ALK: variants seen among roughly 807,000 people sequenced by gnomAD.
ALK encodes ALK tyrosine kinase receptor.
ALK carries 74 observed loss-of-function variants against 163.1 expected under a neutral mutation model. That is an observed-to-expected ratio of 0.45 (90% CI 0.38 to 0.55). The LOEUF is 0.55. Ranked by LOEUF, ALK falls within the 20% of genes least tolerant of loss-of-function variation. The pLI, the probability that ALK is intolerant of heterozygous loss-of-function variation, is 0.00. For synonymous variants in ALK, 960 were observed against 843.2 expected, an observed-to-expected ratio of 1.14 and a Z score of -2.40; for missense variants, 2,063 against 2,105.3, an observed-to-expected ratio of 0.98 and a Z score of 0.39.
At chr2:29,750,850 T>A (rs1033128100) in intron 1 of ALK, among the ~76,000 whole-genome samples, 1 of 151,596 alleles carries the variant, frequency 6.6e-6, no homozygotes, top group Admixed American at 6.6e-5. Flanking sequence ...GGTGGGTGGA[T>A]CATGAGGTCA....
rs749474186 is a variant in ALK, at chr2:29,532,007, G to A, written c.1062C>T (p.His354=). ...CAATGTACCTTCCAGAGGGCTGCAG[G>A]TGCCTGTGCACCGAGACGGCCAGTG... ...HCTLAVSVHR[H]LQPSGRYIAQ... is the part of the protein sequence containing the mutation. Residue 354 remains histidine, a synonymous_variant, in exon 4 of 29, where the codon CAC becomes CAT. Coordinates refer to ENST00000389048, the MANE Select transcript of ALK (RefSeq NM_004304.5). 3.1e-6 allele frequency: 5 copies of A among 1,614,046 alleles called. No individual in the cohort carries two copies. The African/African-American group carries it at 4.0e-5, about 13-fold the overall frequency.
chr2:29,830,712 T>TAAAAAAAAAAAAAAAA lies in ALK; in HGVS notation c.667+89280_667+89281insTTTTTTTTTTTTTTTT, dbSNP rs1665344950. On this transcript the variant is annotated intron_variant, in intron 1 of 28. Transcript: ENST00000389048. The stretch of plus-strand genomic sequence containing the variant: ...AGCAAGACCCTGTCTCTAAAATAGT[T>TAAAAAAAAAAAAAAAA]TAAAAAAAAAAAAAAAAAAAAAAAA... Among the ~76,000 whole-genome samples, 3 of 63,510 alleles carry TAAAAAAAAAAAAAAAA rather than the reference T, an allele frequency of 4.7e-5. 1 individual carries two copies. The highest frequency in any genetic ancestry group is 1.9e-4 in the African/African-American group (3 of 16,044). 41.7% of individuals were successfully genotyped at this position (63,510 alleles called of 152,430 possible). A position where few individuals can be genotyped will look rare whatever the true frequency, so the allele number is the denominator to read the frequency against.
chr2:29,326,818 G>A (rs909778593), intron 6 of ALK, among the ~76,000 whole-genome samples: 23 of 152,202 alleles, frequency 1.5e-4, no homozygotes, highest in African/African-American at 4.3e-4. Context: ...CCAGATGACT[G>A]GGGGCAGAGG....
intron 1 of ALK, among the ~76,000 whole-genome samples, chr2:29,919,253 G>A (rs1667917627): frequency 1.3e-5 from 2 of 152,086 alleles, no homozygotes; most frequent in South Asian, 2.1e-4. Context: ...AGAAAAGCAG[G>A]AAAACCAACG....
intron 1 of ALK, among the ~76,000 whole-genome samples, chr2:29,845,419 G>A (rs1243582277): frequency 7.2e-6 from 1 of 139,146 alleles, no homozygotes; most frequent in Non-Finnish European, 1.5e-5. Flanking sequence ...TTGCTGCAAG[G>A]CTTCCTCAAC....
chr2:29,651,786 A>G (rs1409830685), intron 3 of ALK, among the ~76,000 whole-genome samples: 4 of 152,146 alleles, frequency 2.6e-5, no homozygotes, highest in African/African-American at 9.7e-5. Flanking sequence ...GCAGCATTCA[A>G]CTGAGTTTTC....
chr2:29,630,890 A>G (rs986773014), intron 3 of ALK, among the ~76,000 whole-genome samples: 2 of 152,194 alleles, frequency 1.3e-5, no homozygotes, highest in Non-Finnish European at 2.9e-5. Context: ...ATGAAGATCC[A>G]TTACTCATCC....
At chr2:29,801,850 G>T (rs1005576576) in intron 1 of ALK, among the ~76,000 whole-genome samples, 1 of 152,116 alleles carries the variant, frequency 6.6e-6, no homozygotes, top group Admixed American at 6.5e-5. Flanking sequence ...GATCCTGAAG[G>T]TCACTTGACT....
chr2:29,621,774 T>C (rs1676045221), intron 3 of ALK, among the ~76,000 whole-genome samples: 7 of 152,182 alleles, frequency 4.6e-5, no homozygotes, highest in Non-Finnish European at 1.0e-4. Context: ...TTCAATTGCT[T>C]CTGGAGAGGT....
intron 5 of ALK, among the ~76,000 whole-genome samples, chr2:29,361,086 C>T (rs1030003444): frequency 2.0e-5 from 3 of 152,202 alleles, no homozygotes; most frequent in Admixed American, 6.5e-5. Context: ...CTTTTTGGGG[C>T]GTCTCTCTCA....
chr2:29,313,923 G>C (rs906613443), intron 8 of ALK, among the ~76,000 whole-genome samples: 17 of 152,104 alleles, frequency 1.1e-4, no homozygotes, highest in African/African-American at 4.1e-4. Flanking sequence ...TTGTCACTGA[G>C]TTTAATAAAC....
At chr2:29,858,366 A>T (rs1267277460) in intron 1 of ALK, among the ~76,000 whole-genome samples, 1 of 152,146 alleles carries the variant, frequency 6.6e-6, no homozygotes, top group Non-Finnish European at 1.5e-5. Flanking sequence ...TTAGGGTGAT[A>T]ACTGAGACAC....
chr2:29,573,625 T>A (rs766013751), intron 3 of ALK, among the ~76,000 whole-genome samples: 3 of 152,194 alleles, frequency 2.0e-5, no homozygotes, highest in Non-Finnish European at 4.4e-5. Context: ...CACGTATCAT[T>A]CATGTATTAT....
intron 8 of ALK, among the ~76,000 whole-genome samples, chr2:29,309,712 G>A (rs1666644957): frequency 6.8e-6 from 1 of 147,944 alleles, no homozygotes; most frequent in Admixed American, 6.7e-5. Flanking sequence ...CATCCTGGAA[G>A]AGGGTTATGC....
At chr2:29,448,094 G>A (rs1372802985) in intron 4 of ALK, among the ~76,000 whole-genome samples, 1 of 152,094 alleles carries the variant, frequency 6.6e-6, no homozygotes, top group Non-Finnish European at 1.5e-5. Context: ...TTCCTGTGGC[G>A]CTTGCTAAAA....
chr2:29,792,256 G>A (rs1039219360), intron 1 of ALK, among the ~76,000 whole-genome samples: 1 of 152,210 alleles, frequency 6.6e-6, no homozygotes, highest in Non-Finnish European at 1.5e-5. Flanking sequence ...CAGTGGAACA[G>A]TTGCAGAAGG....
chr2:29,911,967 C>G (rs191355463), intron 1 of ALK, among the ~76,000 whole-genome samples: 75 of 152,192 alleles, frequency 4.9e-4, no homozygotes, highest in Non-Finnish European at 9.4e-4. Flanking sequence ...AACATTTAAA[C>G]TGGAAACTAA....
chr2:29,499,281 C>T (rs1453482433), intron 4 of ALK, among the ~76,000 whole-genome samples: 1 of 152,176 alleles, frequency 6.6e-6, no homozygotes, highest in Admixed American at 6.5e-5. Flanking sequence ...ACTGTAACCT[C>T]TGCCTCTCAG....
At chr2:29,850,764 C>A (rs1340419696) in intron 1 of ALK, among the ~76,000 whole-genome samples, 1 of 152,188 alleles carries the variant, frequency 6.6e-6, no homozygotes, top group Non-Finnish European at 1.5e-5. Context: ...GAACTGTTCC[C>A]CGGGAATACA....
Sources: allele counts gnomAD v4.1 joint callset (sites outside exome capture counted in the v4.1 genomes callset), GRCh38; gene constraint gnomAD v4.1.1; transcripts MANE v1.5; gene names NCBI Gene and HGNC (gene_info 2026-07-23, HGNC 2026-07-21).